The following ZNF471 variants were observed in gnomAD, a reference collection of about 807,000 sequenced individuals.
ZNF471 encodes EZFIT-related protein 1.
A neutral mutation model predicts 13.7 loss-of-function variants in ZNF471; 7 were observed. The observed-to-expected ratio is 0.51, with a 90% CI of 0.29 to 0.96. The LOEUF (loss-of-function observed/expected upper bound fraction) is 0.96. Among genes scored for constraint, ZNF471 ranks in the 40% least tolerant of loss-of-function variants. The pLI is 0.08. For missense variants in ZNF471, 663 were observed against 743.3 expected, an observed-to-expected ratio of 0.89 and a Z score of 1.26; for synonymous variants, 218 against 235.6, an observed-to-expected ratio of 0.93 and a Z score of 0.68.
At chr19:56,509,923 G>C in intron 1 of ZNF471, 2 of 985,374 alleles carry the variant, frequency 2.0e-6, no homozygotes, top group Non-Finnish European at 2.4e-6. Context: ...AGATGTGCCT[G>C]TGTGAAAGAT....
chr19:56,513,918 T>G (rs2147908327), intron 2 of ZNF471, among the ~76,000 whole-genome samples: 1 of 152,158 alleles, frequency 6.6e-6, no homozygotes. Flanking sequence ...TAGAGAAATC[T>G]TATACCACAC....
rs568413254 is a variant in ZNF471 at position 56,516,582 on chromosome 19, C to G, written c.160+181C>G. ...TAGAGTTAGTGAATTTGGAGAATAT[C>G]AAATATTCCATGCATACACCCTTAA... On this transcript the variant is annotated intron_variant, in intron 3 of 4. Coordinates refer to ENST00000308031, the MANE Select transcript of ZNF471 (RefSeq NM_020813.4). This position sits in a 1 kb window ranked among gnomAD's most constrained non-coding sequence, Gnocchi z 4.4. 6.6e-6 allele frequency among the ~76,000 whole-genome samples: 1 copy of G among 152,250 alleles called. No individual in the cohort carries two copies. The highest frequency in any genetic ancestry group is 1.9e-4 in the East Asian group (1 of 5,188).
chr19:56,510,862 C>A lies in ZNF471; in HGVS notation c.-55-655C>A. 2.0e-6 allele frequency: 2 copies of A among 985,426 alleles called. No homozygotes were observed. The highest frequency in any genetic ancestry group is 2.4e-6 in the Non-Finnish European group (2 of 829,948). 61.0% of individuals were successfully genotyped at this position (985,426 alleles called of 1,614,324 possible). On this transcript the variant is annotated intron_variant, in intron 1 of 4. Transcript: ENST00000308031. This position sits in a 1 kb window ranked among gnomAD's most constrained non-coding sequence, Gnocchi z 4.3. ...AAGCTGGGGTGACTGAAGCTCCTAA[C>A]TGAAGCAGGAGACACCCTCACTTCT...
At chr19:56,520,742 C>T (rs1232371629) in intron 4 of ZNF471, among the ~76,000 whole-genome samples, 1 of 152,180 alleles carries the variant, frequency 6.6e-6, no homozygotes, top group African/African-American at 2.4e-5. Context: ...AAAGCCAGCC[C>T]ATGCCATGGG....
In ZNF471 at chr19:56,522,951, G is replaced by A. The variant is rs1447219581; in HGVS notation, c.257-1373G>A. 6.6e-6 allele frequency among the ~76,000 whole-genome samples: 1 copy of A among 152,084 alleles called. No homozygotes were observed. Among genetic ancestry groups the A allele is most frequent in the African/African-American group, 2.4e-5 (1 of 41,428 alleles). ...GGGTTACACCACATTGGCCAGGCTG[G>A]TCTCTAACTTCTGACCTCAGGTGAC... On this transcript the variant is annotated intron_variant, in intron 4 of 4. Transcript: ENST00000308031. This position sits in a 1 kb window ranked among gnomAD's most constrained non-coding sequence, Gnocchi z 4.1.
intron 2 of ZNF471, among the ~76,000 whole-genome samples, chr19:56,512,487 C>A (rs10422306): frequency 0.44 from 66,859 of 151,648 alleles, 14,951 homozygotes; most frequent in Middle Eastern, 0.51. Context: ...ATTTACATTA[C>A]ATTTTTACAT....
Position 56,527,453 on chromosome 19 carries a change from AC to A in ZNF471, c.*1506del, listed in dbSNP as rs1244348884. The stretch of plus-strand genomic sequence containing the variant: ...ATCACAACTCCTTGCCGGCAAGGGA[AC>A]AAAACTGGATAGAGAATGAGTTTGA... On this transcript the variant is annotated 3_prime_UTR_variant, in exon 5 of 5. Coordinates refer to ENST00000308031, the MANE Select transcript of ZNF471 (RefSeq NM_020813.4). 6.6e-6 allele frequency: 1 copy of A among 152,224 alleles called. No homozygotes were observed. The highest frequency in any genetic ancestry group is 1.5e-5 in the Non-Finnish European group (1 of 68,036). The allele number at this position is 152,224 out of a possible 1,614,324, so 9.4% of individuals were successfully genotyped here. A position where few individuals can be genotyped will look rare whatever the true frequency, so the allele number is the denominator to read the frequency against.
chr19:56,508,082 C>CG lies in ZNF471; in HGVS notation c.-56+166dup. ...AGCGGGGCGCGCGTACTCGAGTCTG[C>CG]GGGGCGGAGGCCGCGGCTCGGGGCT... On this transcript the variant is annotated intron_variant, in intron 1 of 4. Coordinates refer to ENST00000308031, the MANE Select transcript of ZNF471 (RefSeq NM_020813.4). This position sits in a 1 kb window ranked among gnomAD's most constrained non-coding sequence, Gnocchi z 4.7. 1 of 985,014 alleles carries CG rather than the reference C, an allele frequency of 1.0e-6. No homozygotes were observed. Among genetic ancestry groups the CG allele is most frequent in the Non-Finnish European group, 1.2e-6 (1 of 829,686 alleles). 61.0% of individuals were successfully genotyped at this position (985,014 alleles called of 1,614,324 possible).
intron 4 of ZNF471, among the ~76,000 whole-genome samples, chr19:56,523,219 G>A (rs957472660): frequency 1.3e-5 from 2 of 152,112 alleles, no homozygotes; most frequent in African/African-American, 4.8e-5. Context: ...TTAAGCAGTG[G>A]CTTAAGGTGC....
chr19:56,509,545 A>G (rs1462849101), intron 1 of ZNF471, among the ~76,000 whole-genome samples: 1 of 152,180 alleles, frequency 6.6e-6, no homozygotes, highest in East Asian at 1.9e-4. Context: ...CTGGCATTGG[A>G]AGTGGGGAGC....
intron 4 of ZNF471, among the ~76,000 whole-genome samples, chr19:56,520,713 A>T (rs2043957746): frequency 6.6e-6 from 1 of 152,224 alleles, no homozygotes; most frequent in Non-Finnish European, 1.5e-5. Context: ...GGAAACAGGA[A>T]GAAGGCACCA....
In ZNF471 at chr19:56,524,052, G is replaced by A. The variant is rs1311699556; in HGVS notation, c.257-272G>A. Among the ~76,000 whole-genome samples the A allele has an allele frequency of 6.6e-6, 1 of 152,012 alleles. No homozygotes were observed. Among genetic ancestry groups the A allele is most frequent in the Admixed American group, 6.6e-5 (1 of 15,260 alleles). On this transcript the variant is annotated intron_variant, in intron 4 of 4. Coordinates refer to ENST00000308031, the MANE Select transcript of ZNF471 (RefSeq NM_020813.4). The surrounding 1 kb of genome is among the most constrained non-coding windows in gnomAD (Gnocchi z 4.8). ...TTGCCCAGGCTGGTCTTGAACTCCTGGGCTCAAGCAATCCACCTCAGCCTC... is the reference window on the plus strand; with the variant it reads ...TTGCCCAGGCTGGTCTTGAACTCCTAGGCTCAAGCAATCCACCTCAGCCTC...
At position 56,522,152 on chromosome 19, in the gene ZNF471, G is replaced by T. The variant is rs2043982893; in HGVS notation, c.257-2172G>T. On this transcript the variant is annotated intron_variant, in intron 4 of 4. Transcript: ENST00000308031. This position sits in a 1 kb window ranked among gnomAD's most constrained non-coding sequence, Gnocchi z 4.1. The stretch of plus-strand genomic sequence containing the variant: ...CATCCATCAAGGTTTGTATAAGTAC[G>T]CTCTGTAATTGCCCATCCGTAATGA... Among the ~76,000 whole-genome samples the T allele has an allele frequency of 6.6e-6, 1 of 152,092 alleles. No individual in the cohort carries two copies. The highest frequency in any genetic ancestry group is 6.5e-5 in the Admixed American group (1 of 15,270).
intron 3 of ZNF471, among the ~76,000 whole-genome samples, 157 bp from the exon 4 acceptor site, chr19:56,518,325 A>G (rs2043921595): frequency 6.6e-6 from 1 of 152,020 alleles, no homozygotes. Flanking sequence ...CAGTCTTACT[A>G]GGCTATTCCA....
At position 56,528,352 on chromosome 19, in the gene ZNF471, CAG is replaced by C. The variant is rs1327806330; in HGVS notation, c.*2405_*2406del. 6.6e-6 allele frequency: 1 copy of C among 152,152 alleles called. No individual in the cohort carries two copies. Among genetic ancestry groups the C allele is most frequent in the African/African-American group, 2.4e-5 (1 of 41,420 alleles). The allele number at this position is 152,152 out of a possible 1,614,324, so 9.4% of individuals were successfully genotyped here. A position where few individuals can be genotyped will look rare whatever the true frequency, so the allele number is the denominator to read the frequency against. Reference sequence around the variant, plus strand: ...AGAATTGATGTAAATTATTTTTAAACAGTGCATTCTTGAAAGCAGTATGGCAG... The same window carrying C: ...AGAATTGATGTAAATTATTTTTAAACTGCATTCTTGAAAGCAGTATGGCAG... On this transcript the variant is annotated 3_prime_UTR_variant, in exon 5 of 5. Transcript: ENST00000308031.
chr19:56,512,570 A>G (rs1389216604), intron 2 of ZNF471, among the ~76,000 whole-genome samples: 1 of 152,158 alleles, frequency 6.6e-6, no homozygotes, highest in African/African-American at 2.4e-5. Flanking sequence ...TAATTGAATT[A>G]TTCATCTCAT....
In ZNF471 at chr19:56,510,751, T is replaced by C. The variant is rs1339009594; in HGVS notation, c.-55-766T>C. 2.0e-6 allele frequency: 2 copies of C among 985,196 alleles called. No homozygotes were observed. Among genetic ancestry groups the C allele is most frequent in the African/African-American group, 3.5e-5 (2 of 57,130 alleles). 61.0% of individuals were successfully genotyped at this position (985,196 alleles called of 1,614,324 possible). On this transcript the variant is annotated intron_variant, in intron 1 of 4. Coordinates refer to ENST00000308031, the MANE Select transcript of ZNF471 (RefSeq NM_020813.4). This position sits in a 1 kb window ranked among gnomAD's most constrained non-coding sequence, Gnocchi z 4.3. ...TTGATAGGATTGGATTCTTTATGAG[T>C]GTGGCTGTTTGGAATTGTGTGTTGC...
intron 4 of ZNF471, among the ~76,000 whole-genome samples, chr19:56,521,724 G>A (rs918496175): frequency 2.0e-5 from 3 of 151,596 alleles, no homozygotes; most frequent in African/African-American, 7.3e-5. Flanking sequence ...GCTGAGGTGG[G>A]AGGATTGGTT....
intron 4 of ZNF471, among the ~76,000 whole-genome samples, chr19:56,523,744 C>G (rs1478400605): frequency 6.6e-6 from 1 of 152,158 alleles, no homozygotes; most frequent in Non-Finnish European, 1.5e-5. Context: ...TCTGTTAGGT[C>G]AATACAGGCA....
Sources: gnomAD v4.1 joint callset for allele counts (sites outside exome capture counted in the v4.1 genomes callset) on GRCh38, gnomAD v4.1.1 for gene constraint, Gnocchi (gnomAD v3.1) non-coding constraint, MANE v1.5 for transcripts, NCBI Gene and HGNC (gene_info 2026-07-23, HGNC 2026-07-21) for gene names.